PTGIS: variants seen among roughly 807,000 people sequenced by gnomAD.
The protein encoded by PTGIS is prostacyclin synthase.
A neutral mutation model predicts 50.3 loss-of-function variants in PTGIS; 45 were observed. The observed-to-expected ratio is 0.90, with a 90% CI of 0.70 to 1.15. PTGIS has a LOEUF of 1.15. Ranked by LOEUF, PTGIS falls within the 50% of genes most tolerant of loss-of-function variation. The pLI, the probability that PTGIS is intolerant of heterozygous loss-of-function variation, is 0.00. For synonymous variants in PTGIS, 260 were observed against 267.7 expected (o/e 0.97, Z 0.28); for missense variants, 668 against 661.3 (o/e 1.01, Z -0.11).
At position 49,540,032 on chromosome 20, in the gene PTGIS, T is replaced by A. The variant is rs1483324185; in HGVS notation, c.522-311A>T. Among the ~76,000 whole-genome samples the A allele has an allele frequency of 6.6e-6, 1 of 150,434 alleles. No individual in the cohort carries two copies. The highest frequency in any genetic ancestry group is 2.4e-5 in the African/African-American group (1 of 40,848). ...CAGGATGGGAGGGCGGGGGCTGTGGTGTCAGGTGCCAGGTGAGGGAGGGGC... is the reference window on the plus strand; with the variant it reads ...CAGGATGGGAGGGCGGGGGCTGTGGAGTCAGGTGCCAGGTGAGGGAGGGGC... On this transcript the variant is annotated intron_variant, in intron 4 of 9. Transcript: ENST00000244043. This position sits in a 1 kb window ranked among gnomAD's most constrained non-coding sequence, Gnocchi z 4.8.
intron 6 of PTGIS, among the ~76,000 whole-genome samples, chr20:49,521,927 C>T (rs923158040): frequency 3.3e-5 from 5 of 152,090 alleles, no homozygotes; most frequent in South Asian, 2.1e-4. Flanking sequence ...CAAAATCTAT[C>T]CACGTCCTCA....
intron 2 of PTGIS, among the ~76,000 whole-genome samples, chr20:49,548,834 T>C (rs1389217675): frequency 6.6e-6 from 1 of 151,804 alleles, no homozygotes; most frequent in African/African-American, 2.4e-5. Context: ...TGAATCTATG[T>C]TGGATGGAAA....
chr20:49,568,019 G>A, intron 1 of PTGIS, 24 bp downstream of exon 1: 1 of 1,473,878 alleles, frequency 6.8e-7, no homozygotes, highest in Non-Finnish European at 8.9e-7. Context: ...TGTCTGGCGG[G>A]GCCGAGCGGA....
chr20:49,548,309 A>T (rs1246383713), intron 2 of PTGIS, among the ~76,000 whole-genome samples: 1 of 152,174 alleles, frequency 6.6e-6, no homozygotes, highest in African/African-American at 2.4e-5. Flanking sequence ...GCTTTTTAAA[A>T]TCAAAGACTG....
chr20:49,514,855 C>A (rs6125663), intron 6 of PTGIS, among the ~76,000 whole-genome samples: 1 of 152,178 alleles, frequency 6.6e-6, no homozygotes. Flanking sequence ...TTATGCTCAG[C>A]CGTGGACTTG....
chr20:49,552,310 T>TAAA (rs1982530014), intron 1 of PTGIS, among the ~76,000 whole-genome samples: 1 of 152,202 alleles, frequency 6.6e-6, no homozygotes. Context: ...TCTCTCCTTT[T>TAAA]AGAGACCCAG....
chr20:49,531,225 A>G (rs1344205267), intron 5 of PTGIS, among the ~76,000 whole-genome samples: 1 of 152,202 alleles, frequency 6.6e-6, no homozygotes, highest in Non-Finnish European at 1.5e-5. Context: ...CCCCCCAAAA[A>G]TAATTTCCAG....
Position 49,511,121 on chromosome 20 carries a change from T to C in PTGIS, c.1265A>G (p.Lys422Arg). 2 of 1,614,246 alleles carry C rather than the reference T, an allele frequency of 1.2e-6. No homozygotes were observed. Among genetic ancestry groups the C allele is most frequent in the Non-Finnish European group, 1.7e-6 (2 of 1,180,038 alleles). Residue 422 changes from lysine (K) to arginine (R), a missense_variant, in exon 9 of 10, where the codon AAG (lysine) becomes AGG (arginine). Lys to Arg is a conservative substitution (Grantham distance 26). Coordinates refer to ENST00000244043, the MANE Select transcript of PTGIS (RefSeq NM_000961.4). ...PDGSEKKDFY[K>R]DGKRLKNYNM... ...GTAATTCTTCAGCCGTTTCCCATCC[T>C]TGTAAAAGTCTTTCTTCTCTGATCC...
chr20:49,550,325 C>G, intron 1 of PTGIS, 136 bp from the exon 2 acceptor site: 1 of 1,146,560 alleles, frequency 8.7e-7, no homozygotes. Flanking sequence ...ATTGCCTCAC[C>G]TGCTCCTTTT....
At chr20:49,534,393 G>A (rs921723409) in intron 5 of PTGIS, among the ~76,000 whole-genome samples, 1 of 152,192 alleles carries the variant, frequency 6.6e-6, no homozygotes, top group African/African-American at 2.4e-5. Flanking sequence ...TCCCAATTAA[G>A]ATGAGAAATC....
At chr20:49,544,154 G>C in intron 4 of PTGIS, 151 bp downstream of exon 4, 2 of 1,009,244 alleles carry the variant, frequency 2.0e-6, no homozygotes, top group Non-Finnish European at 2.9e-6. Flanking sequence ...GGGCCCTGGT[G>C]CATGGCGTCT....
rs946303049 is a variant in PTGIS at position 49,504,509 on chromosome 20, C to G, written c.*3411G>C. On this transcript the variant is annotated 3_prime_UTR_variant, in exon 10 of 10. Coordinates refer to ENST00000244043, the MANE Select transcript of PTGIS (RefSeq NM_000961.4). Reference sequence around the variant, plus strand: ...AGGAGTTCGAGACCAGCCTGACCAACATGGGGAAACCCCGTCTCTACTAAA... The same window carrying G: ...AGGAGTTCGAGACCAGCCTGACCAAGATGGGGAAACCCCGTCTCTACTAAA... 1.3e-5 allele frequency: 2 copies of G among 151,444 alleles called. No homozygotes were observed. The highest frequency in any genetic ancestry group is 6.6e-5 in the Admixed American group (1 of 15,230). The allele number at this position is 151,444 out of a possible 1,614,324, so 9.4% of individuals were successfully genotyped here.
chr20:49,560,582 G>A (rs542916831), intron 1 of PTGIS, among the ~76,000 whole-genome samples: 8 of 152,328 alleles, frequency 5.3e-5, no homozygotes, highest in South Asian at 4.1e-4. Flanking sequence ...ACAGTGAGGG[G>A]GGCTGGTTTA....
At chr20:49,561,204 C>A (rs546249469) in intron 1 of PTGIS, among the ~76,000 whole-genome samples, 4 of 152,104 alleles carry the variant, frequency 2.6e-5, no homozygotes, top group Non-Finnish European at 5.9e-5. Context: ...TTCCCTCTAC[C>A]TGGCTGCCCC....
Position 49,568,030 on chromosome 20 carries a change from G to A in PTGIS, c.74+13C>T. The A allele has an allele frequency of 6.7e-7, 1 of 1,486,638 alleles. No homozygotes were observed. The highest frequency in any genetic ancestry group is 8.9e-7 in the Non-Finnish European group (1 of 1,125,232). The allele number at this position is 1,486,638 out of a possible 1,614,324, so 92.1% of individuals were successfully genotyped here. On this transcript the variant is annotated intron_variant, in intron 1 of 9. Coordinates refer to ENST00000244043, the MANE Select transcript of PTGIS (RefSeq NM_000961.4). ...CCTTTGTCTGGCGGGGCCGAGCGGA[G>A]CAGGACACTCACCGCGTGCGGCGGC...
At chr20:49,517,642 CT>C (rs1256822015) in intron 6 of PTGIS, among the ~76,000 whole-genome samples, 5 of 152,202 alleles carry the variant, frequency 3.3e-5, no homozygotes, top group African/African-American at 1.2e-4. Flanking sequence ...CCTGTTCTAG[CT>C]TTCCTGTGAA....
At chr20:49,536,851 C>A (rs1170081417) in intron 5 of PTGIS, among the ~76,000 whole-genome samples, 1 of 152,118 alleles carries the variant, frequency 6.6e-6, no homozygotes, top group African/African-American at 2.4e-5. Context: ...GCTGTTCCCC[C>A]CATTTTGCAG....
In PTGIS at chr20:49,525,613, C is replaced by G. The variant is rs561224353; in HGVS notation, c.674-1374G>C. 1.8e-3 allele frequency among the ~76,000 whole-genome samples: 268 copies of G among 151,340 alleles called. 2 individuals carry two copies. The highest frequency in any genetic ancestry group is 6.8e-3 in the Middle Eastern group (2 of 294). ...TTTTTTTTTAAAATATTTTCATGAA[C>G]CATACATGAGCCTTAATATACATTG... is the stretch of plus-strand genomic sequence containing the variant. On this transcript the variant is annotated intron_variant, in intron 5 of 9. Coordinates refer to ENST00000244043, the MANE Select transcript of PTGIS (RefSeq NM_000961.4).
intron 6 of PTGIS, among the ~76,000 whole-genome samples, chr20:49,520,385 G>A (rs1232947850): frequency 6.6e-6 from 1 of 151,016 alleles, no homozygotes; most frequent in Non-Finnish European, 1.5e-5. Context: ...CCAGGCTGGA[G>A]TGCAGTGGTG....
Sources: gnomAD v4.1 joint callset for allele counts (sites outside exome capture counted in the v4.1 genomes callset) on GRCh38, gnomAD v4.1.1 for gene constraint, Gnocchi (gnomAD v3.1) non-coding constraint, MANE v1.5 for transcripts, NCBI Gene and HGNC (gene_info 2026-07-23, HGNC 2026-07-21) for gene names.